Variants in MUC17 observed in about 807,000 individuals in gnomAD.
MUC17 encodes mucin-17.
Under a neutral mutation model 170.3 loss-of-function variants are expected in MUC17, and 190 were observed. That is an observed-to-expected ratio of 1.12 (90% CI 0.99 to 1.26). MUC17 has a LOEUF of 1.26. MUC17 is among the 50% of genes most tolerant of loss of function. The pLI, the probability that MUC17 is intolerant of heterozygous loss-of-function variation, is 0.00. For missense variants in MUC17, 6,415 were observed against 5,530.0 expected, an observed-to-expected ratio of 1.16 and a Z score of -5.08; for synonymous variants, 2,325 against 2,002.5, an observed-to-expected ratio of 1.16 and a Z score of -4.30.
Position 101,040,161 on chromosome 7 carries a change from T to C in MUC17, c.8745T>C (p.Gly2915=). ...EGSSSPTTAE[G]TSMPISTPSE... Reference sequence around the variant, plus strand: ...GTTCTTCTCCTACAACTGCTGAAGGTACCAGCATGCCAATCTCAACTCCTA... The same window carrying C: ...GTTCTTCTCCTACAACTGCTGAAGGCACCAGCATGCCAATCTCAACTCCTA... The change falls in exon 3 of 13, where the codon GGT becomes GGC. Residue 2915 remains glycine (G), a synonymous_variant. Coordinates refer to ENST00000306151, the MANE Select transcript of MUC17 (RefSeq NM_001040105.2). The C allele has an allele frequency of 6.2e-7, 1 of 1,612,980 alleles. No homozygotes were observed. Among genetic ancestry groups the C allele is most frequent in the African/African-American group, 1.3e-5 (1 of 74,796 alleles).
In MUC17 at chr7:101,040,493, C is replaced by T. The variant is rs1220192316; in HGVS notation, c.9077C>T (p.Ser3026Phe). Reference sequence around the variant, plus strand: ...GTGACCACTTCTACTGAAGCCAGTTCCTCTCCTACAACTGCTGAAGGTACC... The same window carrying T: ...GTGACCACTTCTACTGAAGCCAGTTTCTCTCCTACAACTGCTGAAGGTACC... ...TPVTTSTEAS[S>F]SPTTAEGTGI... Residue 3026 changes from serine to phenylalanine, a missense_variant, in exon 3 of 13, where the codon TCC (serine) becomes TTC (phenylalanine). Transcript: ENST00000306151. 4 of 1,612,080 alleles carry T rather than the reference C, an allele frequency of 2.5e-6. No individual in the cohort carries two copies. Among genetic ancestry groups the T allele is most frequent in the Non-Finnish European group, 3.4e-6 (4 of 1,179,248 alleles).
In MUC17 at chr7:101,037,196, C is replaced by G. The variant is rs769462986; in HGVS notation, c.5780C>G (p.Pro1927Arg). 2.5e-6 allele frequency: 4 copies of G among 1,613,460 alleles called. No homozygotes were observed. The Admixed American group carries it at 6.7e-5, about 27-fold the overall frequency. ...TCAACTCCTAGGGAAGGAAGGCCTC[C>G]ATTAACAAGTATACCTGTCAGCACC... ...PTSTPREGRP[P>R]LTSIPVSTTT... Residue 1927 changes from proline (P) to arginine (R), a missense_variant, in exon 3 of 13, where the codon CCA (proline) becomes CGA (arginine). By Grantham distance (103) the Pro-to-Arg change is moderately radical. Coordinates refer to ENST00000306151, the MANE Select transcript of MUC17 (RefSeq NM_001040105.2).
chr7:101,031,254 A>G, intron 2 of MUC17, 33 bp downstream of exon 2: 2 of 1,597,148 alleles, frequency 1.3e-6, no homozygotes, highest in Non-Finnish European at 1.7e-6. Flanking sequence ...CTATCTGGGA[A>G]GGTGGCTCAC....
Position 101,035,745 on chromosome 7 carries a change from C to G in MUC17, c.4329C>G (p.Ile1443Met). The G allele has an allele frequency of 1.2e-6, 2 of 1,610,984 alleles. No individual in the cohort carries two copies. The highest frequency in any genetic ancestry group is 2.7e-5 in the African/African-American group (2 of 74,824). ...ATSSPTTAEG[I>M]SIPTSTPSEG... ...CATCTCCTACAACTGCTGAAGGTAT[C>G]AGCATACCAACCTCAACTCCTAGTG... The change falls in exon 3 of 13, where the codon ATC becomes ATG. Residue 1443 changes from isoleucine (I) to methionine (M), a missense_variant. Coordinates refer to ENST00000306151, the MANE Select transcript of MUC17 (RefSeq NM_001040105.2).
intron 2 of MUC17, 54 bp downstream of exon 2, chr7:101,031,275 G>C (rs1186872246): frequency 6.4e-7 from 1 of 1,570,802 alleles, no homozygotes; most frequent in Non-Finnish European, 8.6e-7. Context: ...CTGCGAAAGG[G>C]CTAGAGCGAC....
intron 3 of MUC17, among the ~76,000 whole-genome samples, chr7:101,045,286 A>G (rs1471691257): frequency 6.6e-6 from 1 of 152,160 alleles, no homozygotes; most frequent in Non-Finnish European, 1.5e-5. Context: ...ATTGATGATG[A>G]TGAAGGGTGG....
Position 101,041,030 on chromosome 7 carries a change from C to T in MUC17, c.9614C>T (p.Thr3205Ile). Reference protein sequence around the residue: ...VTTSTEATSSTTAEGTSIPTS... With the variant: ...VTTSTEATSSITAEGTSIPTS... The stretch of plus-strand genomic sequence containing the variant: ...ACTTCTACTGAAGCCACTTCATCTA[C>T]AACTGCTGAAGGTACCAGCATTCCA... The change falls in exon 3 of 13, where the codon ACA (threonine) becomes ATA (isoleucine). Residue 3205 changes from threonine to isoleucine, a missense_variant. Thr to Ile is a moderately conservative substitution (Grantham distance 89). Transcript: ENST00000306151. 6.2e-7 allele frequency: 1 copy of T among 1,614,086 alleles called. No homozygotes were observed. Among genetic ancestry groups the T allele is most frequent in the South Asian group, 1.1e-5 (1 of 91,082 alleles).
intron 12 of MUC17, 87 bp from the exon 13 acceptor site, chr7:101,057,916 C>A (rs1469166226): frequency 2.7e-6 from 3 of 1,117,922 alleles, no homozygotes; most frequent in African/African-American, 3.2e-5. Flanking sequence ...TTAAACAGAA[C>A]ACTTCCTATC....
At chr7:101,024,677 A>C (rs1239069926) in intron 1 of MUC17, among the ~76,000 whole-genome samples, 1 of 151,610 alleles carries the variant, frequency 6.6e-6, no homozygotes, top group Non-Finnish European at 1.5e-5. Context: ...TTAATGGAGA[A>C]TAGCACTTGA....
At chr7:101,047,183 G>A (rs1260571295) in intron 3 of MUC17, among the ~76,000 whole-genome samples, 1 of 152,014 alleles carries the variant, frequency 6.6e-6, no homozygotes, top group Non-Finnish European at 1.5e-5. Context: ...AAAAGAATCA[G>A]AATGAGTCAT....
In MUC17 at chr7:101,036,848, C is replaced by T. The variant is rs1273663291; in HGVS notation, c.5432C>T (p.Thr1811Ile). 6.2e-7 allele frequency: 1 copy of T among 1,605,500 alleles called. No individual in the cohort carries two copies. Among genetic ancestry groups the T allele is most frequent in the Non-Finnish European group, 8.5e-7 (1 of 1,175,690 alleles). Residue 1811 changes from threonine to isoleucine, a missense_variant, in exon 3 of 13, where the codon ACA (threonine) becomes ATA (isoleucine). Thr to Ile is a moderately conservative substitution (Grantham distance 89, BLOSUM62 -1). Transcript: ENST00000306151. ...CTTAGTGAAGGAATGACTCCATTAACAAGCACACCTGTCAGCCACACGCTG... is the reference window on the plus strand; with the variant it reads ...CTTAGTGAAGGAATGACTCCATTAATAAGCACACCTGTCAGCCACACGCTG... Reference protein sequence around the residue: ...STLSEGMTPLTSTPVSHTLVA... With the variant: ...STLSEGMTPLISTPVSHTLVA...
Position 101,042,620 on chromosome 7 carries a change from C to G in MUC17, c.11204C>G (p.Ser3735Cys), listed in dbSNP as rs1794749706. 3 of 1,614,150 alleles carry G rather than the reference C, an allele frequency of 1.9e-6. No homozygotes were observed. In the East Asian group the frequency reaches 6.7e-5, roughly 36 times the overall value. Residue 3735 changes from serine (S) to cysteine (C), a missense_variant, in exon 3 of 13, where the codon TCT becomes TGT. Ser to Cys is a moderately radical substitution (Grantham distance 112). Coordinates refer to ENST00000306151, the MANE Select transcript of MUC17 (RefSeq NM_001040105.2). ...VTTSTEAISS[S>C]ATLDSTTMSV... is the part of the protein sequence containing the mutation. ...ACTTCTACTGAAGCCATTTCATCTT[C>G]TGCAACTCTTGACAGCACCACCATG...
chr7:101,035,000 C>A lies in MUC17; in HGVS notation c.3584C>A (p.Thr1195Asn), dbSNP rs763259642. The change falls in exon 3 of 13, where the codon ACT becomes AAT. Residue 1195 changes from threonine (T) to asparagine (N), a missense_variant. Coordinates refer to ENST00000306151, the MANE Select transcript of MUC17 (RefSeq NM_001040105.2). ...TCCAAAACTCAGGTGGCCACTTCTA[C>A]TGAAGCCAGTTCACCTCCTCCAACT... Reference protein sequence around the residue: ...VDSKTQVATSTEASSPPPTAE... With the variant: ...VDSKTQVATSNEASSPPPTAE... 2 of 1,614,068 alleles carry A rather than the reference C, an allele frequency of 1.2e-6. No homozygotes were observed. Among genetic ancestry groups the A allele is most frequent in the South Asian group, 2.2e-5 (2 of 91,080 alleles).
chr7:101,044,790 C>T lies in MUC17; in HGVS notation c.12403+971C>T, dbSNP rs562071204. ...CATTGATTTTGTTCATACTAAAGTA[C>T]GAACTTTTTTTTTGCAGAAGGTTTT... On this transcript the variant is annotated intron_variant, in intron 3 of 12. Transcript: ENST00000306151. 4.3e-4 allele frequency among the ~76,000 whole-genome samples: 65 copies of T among 152,204 alleles called. 1 individual carries two copies. The Middle Eastern group carries it at 0.01, about 24-fold the overall frequency.
rs989631267 is a variant in MUC17 at position 101,030,968 on chromosome 7, G to C, written c.83-152G>C. On this transcript the variant is annotated intron_variant, in intron 1 of 12. Coordinates refer to ENST00000306151, the MANE Select transcript of MUC17 (RefSeq NM_001040105.2). ...ACCATCTTCTTGCTTTACTTTCTGGGGCAGGGTCCTGATGGCTGATTTCTA... is the reference window on the plus strand; with the variant it reads ...ACCATCTTCTTGCTTTACTTTCTGGCGCAGGGTCCTGATGGCTGATTTCTA... The C allele has an allele frequency of 1.7e-5, 15 of 896,226 alleles. No homozygotes were observed. The African/African-American group carries it at 2.6e-4, about 15-fold the overall frequency. 55.5% of individuals were successfully genotyped at this position (896,226 alleles called of 1,614,324 possible).
Position 101,036,635 on chromosome 7 carries a change from C to G in MUC17, c.5219C>G (p.Pro1740Arg). Residue 1740 changes from proline (P) to arginine (R), a missense_variant, in exon 3 of 13, where the codon CCA (proline) becomes CGA (arginine). By Grantham distance (103) the Pro-to-Arg change is moderately radical (BLOSUM62 -2). Transcript: ENST00000306151. ...ACAACTTCTGAAGGTACCAGCATGC[C>G]AAACTCAACTCCTAGTGAAGGAACC... ...SPTTSEGTSMPNSTPSEGTTP... is the reference protein window; with the variant it reads ...SPTTSEGTSMRNSTPSEGTTP... 1 of 1,613,020 alleles carries G rather than the reference C, an allele frequency of 6.2e-7. No homozygotes were observed. Among genetic ancestry groups the G allele is most frequent in the Non-Finnish European group, 8.5e-7 (1 of 1,179,702 alleles).
In MUC17 at chr7:101,037,257, A is replaced by C. The variant is rs78512922; in HGVS notation, c.5841A>C (p.Ser1947=). The change falls in exon 3 of 13, where the codon TCA becomes TCC. Residue 1947 remains serine, a synonymous_variant. Transcript: ENST00000306151. ...CCAGTTCTGAAATCAACACCCTTTC[A>C]ACAACTCTTGCTGACACCAGGACAC... ...TVASSEINTL[S]TTLADTRTPV... 25,948 of 1,611,046 alleles carry C rather than the reference A, an allele frequency of 0.016. 1,725 individuals are homozygous for C. The East Asian group carries it at 0.16, about 10-fold the overall frequency.
At position 101,041,931 on chromosome 7, in the gene MUC17, C is replaced by T. The variant is rs1222318503; in HGVS notation, c.10515C>T (p.Thr3505=). Residue 3505 remains threonine, a synonymous_variant, in exon 3 of 13, where the codon ACC becomes ACT. Transcript: ENST00000306151. ...CATCTCCTACAACTGCTGAAGTTAC[C>T]AGCATGCCAACATCAACTGCTGGTG... ...TNSSPTTAEV[T]SMPTSTAGEG... 3 of 1,613,312 alleles carry T rather than the reference C, an allele frequency of 1.9e-6. No individual in the cohort carries two copies. Among genetic ancestry groups the T allele is most frequent in the Non-Finnish European group, 2.5e-6 (3 of 1,179,912 alleles).
At chr7:101,023,178 G>A (rs1181764033) in intron 1 of MUC17, among the ~76,000 whole-genome samples, 2 of 151,982 alleles carry the variant, frequency 1.3e-5, no homozygotes, top group African/African-American at 4.8e-5. Context: ...ATCTCGCTGT[G>A]GGTGTGTCTG....
Sources: gnomAD v4.1 joint callset for allele counts (sites outside exome capture counted in the v4.1 genomes callset) on GRCh38, gnomAD v4.1.1 for gene constraint, MANE v1.5 for transcripts, NCBI Gene and HGNC (gene_info 2026-07-23, HGNC 2026-07-21) for gene names.